The following LEP variants were observed in gnomAD, a reference collection of about 807,000 sequenced individuals.
The protein encoded by LEP is leptin (murine obesity homolog).
A neutral mutation model predicts 9.8 loss-of-function variants in LEP; 6 were observed. That is an observed-to-expected ratio of 0.61 (90% CI 0.34 to 1.21). The LOEUF is 1.21. Among genes scored for constraint, LEP ranks in the 50% most tolerant of loss-of-function variants. The probability of loss-of-function intolerance (pLI) is 0.04; values close to 1 mark genes in which losing one functional copy is unlikely to be tolerated. For missense variants in LEP, 134 were observed against 198.1 expected (o/e 0.68, Z 1.94); for synonymous variants, 112 against 81.7 (o/e 1.37, Z -2.00).
At chr7:128,246,037 C>G (rs527998932) in intron 1 of LEP, among the ~76,000 whole-genome samples, 3 of 151,546 alleles carry the variant, frequency 2.0e-5, no homozygotes, top group Non-Finnish European at 4.4e-5. Flanking sequence ...CGCCACTGCA[C>G]TCTAGCCTGG....
intron 1 of LEP, among the ~76,000 whole-genome samples, chr7:128,248,104 C>T (rs1299273809): frequency 6.6e-6 from 1 of 152,078 alleles, no homozygotes; most frequent in Non-Finnish European, 1.5e-5. Flanking sequence ...ACCAGCCTGG[C>T]CAACATGGTG....
chr7:128,242,530 G>C (rs1795163352), intron 1 of LEP, among the ~76,000 whole-genome samples: 1 of 152,188 alleles, frequency 6.6e-6, no homozygotes, highest in Non-Finnish European at 1.5e-5. Context: ...CACTTAGGCA[G>C]GGAGACAAGG....
At position 128,246,065 on chromosome 7, in the gene LEP, C is replaced by T. The variant is rs572966188; in HGVS notation, c.-29+4759C>T. Among the ~76,000 whole-genome samples, 14 of 149,052 alleles carry T rather than the reference C, an allele frequency of 9.4e-5. No individual in the cohort carries two copies. The South Asian group carries it at 1.7e-3, about 18-fold the overall frequency. On this transcript the variant is annotated intron_variant, in intron 1 of 2. Coordinates refer to ENST00000308868, the MANE Select transcript of LEP (RefSeq NM_000230.3). ...TAGCCTGGGCAACAGAGCAAGACTC[C>T]GTCAAAAAAAAAATAAAAAAATAAA...
rs28954107 is a variant in LEP, at chr7:128,251,967, G to A, written c.-28-24G>A. ...TATTCTGAGATACCGGCTCCTTGCA[G>A]TGTGTGGTTCCTTCTGTTTTCAGGC... On this transcript the variant is annotated intron_variant, in intron 1 of 2. Transcript: ENST00000308868. The A allele has an allele frequency of 6.8e-3, 10,795 of 1,596,278 alleles. 48 individuals are homozygous for A. Among genetic ancestry groups the A allele is most frequent in the Non-Finnish European group, 8.2e-3 (9,555 of 1,163,794 alleles).
intron 1 of LEP, among the ~76,000 whole-genome samples, chr7:128,248,864 G>A (rs572493327): frequency 6.6e-6 from 1 of 152,184 alleles, no homozygotes; most frequent in Non-Finnish European, 1.5e-5. Context: ...GGCCCACAGT[G>A]GGCGATCAAT....
chr7:128,245,696 T>C (rs1481766826), intron 1 of LEP, among the ~76,000 whole-genome samples: 1 of 152,210 alleles, frequency 6.6e-6, no homozygotes, highest in Admixed American at 6.5e-5. Flanking sequence ...CGCTTTGTTC[T>C]CCCCATTGAT....
chr7:128,242,930 C>A (rs1243795143), intron 1 of LEP, among the ~76,000 whole-genome samples: 2 of 152,154 alleles, frequency 1.3e-5, no homozygotes, highest in Non-Finnish European at 2.9e-5. Flanking sequence ...AAGGTAGAGT[C>A]CTTGTGTCTT....
rs1283171035 is a variant in LEP at position 128,255,006 on chromosome 7, G to A, written c.*243G>A. The A allele has an allele frequency of 7.4e-5, 39 of 528,022 alleles. No individual in the cohort carries two copies. Among genetic ancestry groups the A allele is most frequent in the Non-Finnish European group, 7.9e-5 (23 of 291,412 alleles). 32.7% of individuals were successfully genotyped at this position (528,022 alleles called of 1,614,324 possible). On this transcript the variant is annotated 3_prime_UTR_variant, in exon 3 of 3. Coordinates refer to ENST00000308868, the MANE Select transcript of LEP (RefSeq NM_000230.3). ...AAGGGGGTCCACCCAGCAAAGAGTG[G>A]GCTGCATCTGGGATTCCCACCAAGG...
At chr7:128,253,131 C>A (rs1795294902) in intron 2 of LEP, among the ~76,000 whole-genome samples, 1 of 152,108 alleles carries the variant, frequency 6.6e-6, no homozygotes, top group South Asian at 2.1e-4. Context: ...TGTGAAGTTC[C>A]TTGTGTCCCA....
intron 1 of LEP, among the ~76,000 whole-genome samples, chr7:128,246,458 G>A (rs1795212392): frequency 6.6e-6 from 1 of 151,920 alleles, no homozygotes; most frequent in African/African-American, 2.4e-5. Flanking sequence ...TATCTTTTTT[G>A]GCTTTTGTTT....
intron 2 of LEP, 88 bp from the exon 3 acceptor site, chr7:128,254,316 C>G: frequency 6.4e-7 from 1 of 1,557,688 alleles, no homozygotes; most frequent in Non-Finnish European, 8.8e-7. Flanking sequence ...CAGAGAATGA[C>G]CCTCCATGCC....
chr7:128,244,405 G>A (rs1320801187), intron 1 of LEP, among the ~76,000 whole-genome samples: 1 of 152,152 alleles, frequency 6.6e-6, no homozygotes, highest in Admixed American at 6.5e-5. Flanking sequence ...ATGTTAACAC[G>A]ATTTCTCAAA....
At chr7:128,252,452 G>A (rs556570807) in intron 2 of LEP, among the ~76,000 whole-genome samples, 1 of 152,332 alleles carries the variant, frequency 6.6e-6, no homozygotes, top group Non-Finnish European at 1.5e-5. Context: ...GATTTGGGCT[G>A]GGTGTGGTGG....
At chr7:128,253,353 A>C (rs1795297060) in intron 2 of LEP, among the ~76,000 whole-genome samples, 1 of 152,220 alleles carries the variant, frequency 6.6e-6, no homozygotes, top group African/African-American at 2.4e-5. Context: ...TCTGGGGTCC[A>C]GCAGGCCTAG....
intron 1 of LEP, among the ~76,000 whole-genome samples, chr7:128,251,321 A>C (rs904346535): frequency 2.0e-5 from 3 of 152,180 alleles, no homozygotes; most frequent in Non-Finnish European, 2.9e-5. Context: ...TGCGTCTGAC[A>C]TATTATTTAG....
rs199838573 is a variant in LEP, at chr7:128,254,521, A to T, written c.262A>T (p.Ser88Cys). The change falls in exon 3 of 3, where the codon AGT (serine) becomes TGT (cysteine). Residue 88 changes from serine (S) to cysteine (C), a missense_variant. Transcript: ENST00000308868. Reference protein sequence around the residue: ...TLAVYQQILTSMPSRNVIQIS... With the variant: ...TLAVYQQILTCMPSRNVIQIS... ...GGCAGTCTACCAACAGATCCTCACC[A>T]GTATGCCTTCCAGAAACGTGATCCA... 24 of 1,614,224 alleles carry T rather than the reference A, an allele frequency of 1.5e-5. No individual in the cohort carries two copies. Among genetic ancestry groups the T allele is most frequent in the Non-Finnish European group, 1.9e-5 (23 of 1,180,042 alleles).
chr7:128,245,791 C>T (rs189957581), intron 1 of LEP, among the ~76,000 whole-genome samples: 110 of 152,254 alleles, frequency 7.2e-4, no homozygotes, highest in African/African-American at 2.5e-3. Context: ...GGGCCAGGCT[C>T]GGTGGCTCAT....
At chr7:128,246,302 G>A (rs1795210429) in intron 1 of LEP, among the ~76,000 whole-genome samples, 1 of 152,106 alleles carries the variant, frequency 6.6e-6, no homozygotes, top group Non-Finnish European at 1.5e-5. Context: ...TGCCAAGTGA[G>A]GATGGGGGTG....
At chr7:128,248,683 T>C (rs1795242304) in intron 1 of LEP, among the ~76,000 whole-genome samples, 1 of 152,226 alleles carries the variant, frequency 6.6e-6, no homozygotes. Context: ...AAGGGCACAG[T>C]TTTGTTCTTT....
Sources: allele counts gnomAD v4.1 joint callset (sites outside exome capture counted in the v4.1 genomes callset), GRCh38; gene constraint gnomAD v4.1.1; transcripts MANE v1.5; gene names NCBI Gene and HGNC (gene_info 2026-07-23, HGNC 2026-07-21).